The following VEGFC variants were observed in gnomAD, a reference collection of about 807,000 sequenced individuals.
VEGFC encodes the protein FLT4 ligand DHM.
VEGFC carries 12 observed loss-of-function variants against 46.1 expected under a neutral mutation model. The ratio of observed to expected loss-of-function variants is 0.26; its 90% CI spans 0.17 to 0.42. The LOEUF (loss-of-function observed/expected upper bound fraction) is 0.42, where lower values mean the gene tolerates loss of function less well. Ranked by LOEUF, VEGFC falls within the 10% of genes least tolerant of loss-of-function variation. The pLI is 1.00. For synonymous variants in VEGFC, 232 were observed against 195.5 expected, an observed-to-expected ratio of 1.19 and a Z score of -1.56; for missense variants, 488 against 529.4, an observed-to-expected ratio of 0.92 and a Z score of 0.77.
chr4:176,769,843 A>T (rs1162417180), intron 1 of VEGFC, among the ~76,000 whole-genome samples: 4 of 152,132 alleles, frequency 2.6e-5, no homozygotes, highest in African/African-American at 9.7e-5. Context: ...TCCAGTTCTG[A>T]TTTGGCAGTT....
At chr4:176,769,248 T>C (rs1187421775) in intron 1 of VEGFC, among the ~76,000 whole-genome samples, 1 of 152,134 alleles carries the variant, frequency 6.6e-6, no homozygotes, top group African/African-American at 2.4e-5. Context: ...TTATAAATTA[T>C]CCAGTCTAAG....
chr4:176,755,034 T>C (rs1735408592), intron 1 of VEGFC, among the ~76,000 whole-genome samples: 1 of 152,074 alleles, frequency 6.6e-6, no homozygotes, highest in Admixed American at 6.6e-5. Context: ...ATTCTATCTG[T>C]CCTATTACAG....
rs1734929977 is a variant in VEGFC, at chr4:176,729,709, G to C, written c.185C>G (p.Ser62Cys). ...ASKDLEEQLR[S>C]VSSVDELMTV... ...CATGAGTTCATCTACACTGGACACA[G>C]ACCGTAACTGCTCCTCCAGATCTTT... Residue 62 changes from serine (S) to cysteine (C), a missense_variant, in exon 2 of 7, where the codon TCT becomes TGT. By Grantham distance (112) the Ser-to-Cys change is moderately radical. Coordinates refer to ENST00000618562, the MANE Select transcript of VEGFC (RefSeq NM_005429.5). The C allele has an allele frequency of 6.2e-7, 1 of 1,608,158 alleles. No individual in the cohort carries two copies. The highest frequency in any genetic ancestry group is 1.1e-5 in the South Asian group (1 of 90,072).
At chr4:176,712,386 T>C (rs907018145) in intron 3 of VEGFC, among the ~76,000 whole-genome samples, 16 of 152,210 alleles carry the variant, frequency 1.1e-4, no homozygotes, top group Non-Finnish European at 1.5e-5. Context: ...GCCTTATTTA[T>C]GGATCAAGAA....
chr4:176,772,956 A>C (rs1400777872), intron 1 of VEGFC, among the ~76,000 whole-genome samples: 2 of 152,230 alleles, frequency 1.3e-5, no homozygotes, highest in East Asian at 3.8e-4. Context: ...TACCCAAAGT[A>C]CATTCATTCT....
At chr4:176,756,155 G>A (rs1579125274) in intron 1 of VEGFC, among the ~76,000 whole-genome samples, 1 of 152,072 alleles carries the variant, frequency 6.6e-6, no homozygotes, top group South Asian at 2.1e-4. Context: ...AATCTATTAA[G>A]TGATAATAAC....
intron 1 of VEGFC, among the ~76,000 whole-genome samples, chr4:176,734,161 T>C (rs1042207794): frequency 3.0e-4 from 46 of 151,754 alleles, no homozygotes; most frequent in Non-Finnish European, 2.1e-4. Flanking sequence ...TGGGTCTCAG[T>C]TTCTCCATTT....
chr4:176,693,005 G>A (rs1011554858), intron 4 of VEGFC, among the ~76,000 whole-genome samples: 1 of 151,482 alleles, frequency 6.6e-6, no homozygotes, highest in African/African-American at 2.4e-5. Context: ...ACCAAAAGTC[G>A]ATAAAACCAC....
intron 1 of VEGFC, among the ~76,000 whole-genome samples, chr4:176,765,487 A>G (rs1048871096): frequency 6.6e-6 from 1 of 152,112 alleles, no homozygotes; most frequent in African/African-American, 2.4e-5. Flanking sequence ...AACAGATTAA[A>G]CACAAAGAAA....
At chr4:176,781,878 G>C (rs895777593) in intron 1 of VEGFC, among the ~76,000 whole-genome samples, 1 of 152,208 alleles carries the variant, frequency 6.6e-6, no homozygotes, top group Non-Finnish European at 1.5e-5. Context: ...AACACTGCTT[G>C]CCTGAAGCAG....
intron 1 of VEGFC, among the ~76,000 whole-genome samples, chr4:176,746,296 C>T (rs970738961): frequency 2.0e-5 from 3 of 151,908 alleles, no homozygotes; most frequent in African/African-American, 7.2e-5. Context: ...CAATAATGTC[C>T]ACCTTTATGA....
chr4:176,768,738 T>G (rs1735675377), intron 1 of VEGFC, among the ~76,000 whole-genome samples: 4 of 151,818 alleles, frequency 2.6e-5, no homozygotes. Context: ...CTGTCAGGTA[T>G]CAAGCAACTA....
intron 1 of VEGFC, among the ~76,000 whole-genome samples, chr4:176,747,815 G>A (rs556853352): frequency 6.6e-6 from 1 of 151,972 alleles, no homozygotes; most frequent in East Asian, 1.9e-4. Flanking sequence ...CAAAAATCAA[G>A]TTCTCTTTCA....
intron 3 of VEGFC, among the ~76,000 whole-genome samples, chr4:176,725,743 T>C (rs1376211151): frequency 3.3e-5 from 5 of 152,152 alleles, no homozygotes; most frequent in East Asian, 1.9e-4. Context: ...AAATCATCCA[T>C]ATTTATTTTC....
At chr4:176,710,549 A>G (rs1485764) in intron 4 of VEGFC, among the ~76,000 whole-genome samples, 138,773 of 152,214 alleles carry the variant, frequency 0.91, 63,902 homozygotes, top group Non-Finnish European at 0.98. Flanking sequence ...CAGTGGGGAA[A>G]ACCATGGTTT....
intron 4 of VEGFC, among the ~76,000 whole-genome samples, chr4:176,688,883 C>T (rs1734096319): frequency 6.6e-6 from 1 of 152,192 alleles, no homozygotes; most frequent in Admixed American, 6.5e-5. Context: ...TGTTGGAAAA[C>T]AGCATTTTAG....
chr4:176,692,156 A>C (rs2110971557), intron 4 of VEGFC, among the ~76,000 whole-genome samples: 1 of 151,934 alleles, frequency 6.6e-6, no homozygotes, highest in East Asian at 1.9e-4. Context: ...GCACTTTGGG[A>C]GGCCGAGGCG....
intron 1 of VEGFC, among the ~76,000 whole-genome samples, chr4:176,765,625 G>A (rs984192481): frequency 2.1e-5 from 3 of 145,226 alleles, no homozygotes; most frequent in Admixed American, 7.2e-5. Flanking sequence ...GCGTGATCTC[G>A]GCTCACTGTA....
intron 1 of VEGFC, among the ~76,000 whole-genome samples, chr4:176,790,061 C>T (rs1579146565): frequency 6.6e-6 from 1 of 152,284 alleles, no homozygotes; most frequent in African/African-American, 2.4e-5. Flanking sequence ...GGTGCTTGTA[C>T]AGGCCACTAG....
Sources: allele counts gnomAD v4.1 joint callset (sites outside exome capture counted in the v4.1 genomes callset), GRCh38; gene constraint gnomAD v4.1.1; transcripts MANE v1.5; gene names NCBI Gene and HGNC (gene_info 2026-07-23, HGNC 2026-07-21).